ATP7B: variants seen among roughly 807,000 people sequenced by gnomAD.
ATP7B encodes the protein copper-transporting ATPase 2.
In ATP7B, 113 loss-of-function variants were observed where a neutral mutation model predicts 118.9. The ratio of observed to expected loss-of-function variants is 0.95; its 90% confidence interval spans 0.82 to 1.11. The LOEUF is 1.11. Among genes scored for constraint, ATP7B ranks in the 50% most tolerant of loss-of-function variants. The probability of loss-of-function intolerance (pLI) is 0.00; values close to 1 mark genes in which losing one functional copy is unlikely to be tolerated. For synonymous variants in ATP7B, 777 were observed against 727.4 expected, an observed-to-expected ratio of 1.07 and a Z score of -1.10; for missense variants, 1,867 against 1,871.4, an observed-to-expected ratio of 1.00 and a Z score of 0.04.
chr13:51,967,717 A>G (rs1951634477), intron 4 of ATP7B, among the ~76,000 whole-genome samples: 1 of 152,134 alleles, frequency 6.6e-6, no homozygotes, highest in Admixed American at 6.5e-5. Flanking sequence ...GGAAGTAGAA[A>G]CCCTCTGGCC....
chr13:51,984,872 A>AT (rs1410199099), intron 1 of ATP7B, among the ~76,000 whole-genome samples: 1 of 152,188 alleles, frequency 6.6e-6, no homozygotes, highest in East Asian at 1.9e-4. Flanking sequence ...ATGCTGAGAG[A>AT]TTTTGTCACC....
intron 9 of ATP7B, among the ~76,000 whole-genome samples, chr13:51,951,441 C>G (rs530711535): frequency 3.2e-4 from 49 of 152,190 alleles, no homozygotes; most frequent in African/African-American, 1.1e-3. Flanking sequence ...TATTTGACTT[C>G]CACGTAGAAA....
Position 51,939,135 on chromosome 13 carries a change from A to G in ATP7B, c.3615T>C (p.Ala1205=), listed in dbSNP as rs755324767. Residue 1205 remains alanine (A), a synonymous_variant, in exon 17 of 21, where the codon GCT becomes GCC. Transcript: ENST00000242839. ...CACCCATGCTCTGCAGCGTGTGCAC[A>G]GCCAGGGCAGCCTCCTGCTTGACAG... ...ADAVKQEAAL[A]VHTLQSMGVD... The G allele has an allele frequency of 4.3e-6, 7 of 1,614,256 alleles. No individual in the cohort carries two copies. Among genetic ancestry groups the G allele is most frequent in the East Asian group, 4.5e-5 (2 of 44,888 alleles).
chr13:51,999,889 C>A (rs1449989297), intron 1 of ATP7B, among the ~76,000 whole-genome samples: 1 of 152,148 alleles, frequency 6.6e-6, no homozygotes, highest in Admixed American at 6.5e-5. Flanking sequence ...GTCCCCAGTG[C>A]CCACCCCCAT....
chr13:51,992,959 G>GCA, intron 1 of ATP7B, among the ~76,000 whole-genome samples: 1 of 110,404 alleles, frequency 9.1e-6, no homozygotes, highest in East Asian at 3.0e-4. Flanking sequence ...TAGCCTGGAT[G>GCA]ACAGAGCAAG....
chr13:51,993,777 T>C (rs990461828), intron 1 of ATP7B, among the ~76,000 whole-genome samples: 2 of 152,182 alleles, frequency 1.3e-5, no homozygotes, highest in Admixed American at 1.3e-4. Flanking sequence ...CACAATCATA[T>C]GAGGCAGGAT....
intron 16 of ATP7B, among the ~76,000 whole-genome samples, chr13:51,940,000 C>CTTTTTT (rs10555680): frequency 3.8e-5 from 2 of 52,292 alleles, no homozygotes; most frequent in African/African-American, 8.4e-5. Flanking sequence ...CACATGCAGT[C>CTTTTTT]TTTTTTTTTT....
At chr13:51,998,915 C>A (rs747863558) in intron 1 of ATP7B, among the ~76,000 whole-genome samples, 1 of 152,156 alleles carries the variant, frequency 6.6e-6, no homozygotes, top group African/African-American at 2.4e-5. Context: ...GCTTCCCAGA[C>A]GAAATCCCCA....
In ATP7B at chr13:51,974,953, C is replaced by T. The variant is rs1164807938; in HGVS notation, c.267G>A (p.Met89Ile). 1 of 1,614,210 alleles carries T rather than the reference C, an allele frequency of 6.2e-7. No homozygotes were observed. The highest frequency in any genetic ancestry group is 8.5e-7 in the Non-Finnish European group (1 of 1,180,034). Residue 89 changes from methionine to isoleucine, a missense_variant, in exon 2 of 21, where the codon ATG becomes ATA. Physicochemically the swap from Met to Ile is conservative, Grantham distance 10. Coordinates refer to ENST00000242839, the MANE Select transcript of ATP7B (RefSeq NM_000053.4). The stretch of plus-strand genomic sequence containing the variant: ...CACTGCCTTGTTCCAGGGAAACCTT[C>T]ATGCTGATGATGCCTTTCAAATTGG... ...RISNLKGIIS[M>I]KVSLEQGSAT...
chr13:51,984,549 C>A (rs971792892), intron 1 of ATP7B, among the ~76,000 whole-genome samples: 1 of 152,114 alleles, frequency 6.6e-6, no homozygotes, highest in African/African-American at 2.4e-5. Context: ...CATTCAAATT[C>A]AGGAAATACA....
chr13:52,007,134 AACTGTGGTGCACCT>A (rs564701178), intron 1 of ATP7B, among the ~76,000 whole-genome samples: 43 of 152,328 alleles, frequency 2.8e-4, no homozygotes, highest in African/African-American at 9.9e-4. Context: ...ATTCAAGAAC[AACTGTGGTGCACCT>A]ACATGTGGGA....
At chr13:52,003,617 T>C (rs1304970151) in intron 1 of ATP7B, among the ~76,000 whole-genome samples, 1 of 135,648 alleles carries the variant, frequency 7.4e-6, no homozygotes, top group African/African-American at 2.5e-5. Flanking sequence ...GCCACAAACC[T>C]TCAACTGGTA....
rs200728096 is a variant in ATP7B, at chr13:51,961,868, G to A, written c.1915C>T (p.His639Tyr). The A allele has an allele frequency of 5.9e-5, 95 of 1,613,938 alleles. No homozygotes were observed. The highest frequency in any genetic ancestry group is 7.9e-5 in the Non-Finnish European group (93 of 1,179,962). The change falls in exon 6 of 21, where the codon CAT becomes TAT. Residue 639 changes from histidine to tyrosine, a missense_variant. Physicochemically the swap from His to Tyr is moderately conservative, Grantham distance 83 (BLOSUM62 2). Transcript: ENST00000242839. ...ATTTCCATCTTGTGGTCCAAGTGAT[G>A]AGCGTTGGGGTTTCTCTGGGCCAGG... is the stretch of plus-strand genomic sequence containing the variant. ...ASLAQRNPNA[H>Y]HLDHKMEIKQ...
At chr13:51,969,909 A>T (rs1041682885) in intron 3 of ATP7B, among the ~76,000 whole-genome samples, 1 of 152,228 alleles carries the variant, frequency 6.6e-6, no homozygotes, top group Non-Finnish European at 1.5e-5. Flanking sequence ...GGGGTAAGAA[A>T]AGAGAAAGTG....
intron 1 of ATP7B, among the ~76,000 whole-genome samples, chr13:51,988,281 T>C (rs186918275): frequency 3.7e-4 from 56 of 152,116 alleles, no homozygotes; most frequent in African/African-American, 1.3e-3. Context: ...AGAAGACATT[T>C]ATGCAGCCAA....
At chr13:51,989,066 A>G (rs1443757867) in intron 1 of ATP7B, among the ~76,000 whole-genome samples, 3 of 152,200 alleles carry the variant, frequency 2.0e-5, no homozygotes. Context: ...TTTTTAAAAA[A>G]AGATTAACAT....
intron 1 of ATP7B, among the ~76,000 whole-genome samples, chr13:51,984,937 C>T (rs962648548): frequency 2.0e-5 from 3 of 152,146 alleles, no homozygotes; most frequent in Non-Finnish European, 4.4e-5. Flanking sequence ...TGGAAAGGAA[C>T]AACTGGTACC....
In ATP7B at chr13:51,957,757, T is replaced by C. The variant is rs74902005; in HGVS notation, c.2356-150A>G. 4.4e-3 allele frequency: 3,138 copies of C among 715,778 alleles called. 14 individuals are homozygous for C. Among genetic ancestry groups the C allele is most frequent in the Non-Finnish European group, 5.7e-3 (2,276 of 402,612 alleles). 44.3% of individuals were successfully genotyped at this position (715,778 alleles called of 1,614,324 possible). A position where few individuals can be genotyped will look rare whatever the true frequency, so the allele number is the denominator to read the frequency against. The stretch of plus-strand genomic sequence containing the variant: ...AAAGGCTCTGCAGGTGGGCGTTACT[T>C]GCTATCCACCACACATGGCCACATG... On this transcript the variant is annotated intron_variant, in intron 8 of 20. Coordinates refer to ENST00000242839, the MANE Select transcript of ATP7B (RefSeq NM_000053.4).
intron 1 of ATP7B, among the ~76,000 whole-genome samples, chr13:52,001,716 T>A (rs1309249812): frequency 6.6e-6 from 1 of 152,140 alleles, no homozygotes; most frequent in Non-Finnish European, 1.5e-5. Flanking sequence ...CCAAATGCAA[T>A]AATACATCTT....
Sources: gnomAD v4.1 joint callset for allele counts (sites outside exome capture counted in the v4.1 genomes callset) on GRCh38, gnomAD v4.1.1 for gene constraint, MANE v1.5 for transcripts, NCBI Gene and HGNC (gene_info 2026-07-23, HGNC 2026-07-21) for gene names.